The following SASH1 variants were observed in gnomAD, a reference collection of about 807,000 sequenced individuals.
SASH1 encodes SAM and SH3 domain containing 1.
SASH1 carries 44 observed loss-of-function variants against 125.2 expected under a neutral mutation model. That is an observed-to-expected ratio of 0.35 (90% CI 0.28 to 0.45). The LOEUF is 0.45. Among genes scored for constraint, SASH1 ranks in the 20% least tolerant of loss-of-function variants. The probability of loss-of-function intolerance (pLI) is 1.00; values close to 1 mark genes in which losing one functional copy is unlikely to be tolerated. For synonymous variants in SASH1, 639 were observed against 649.1 expected, an observed-to-expected ratio of 0.98 and a Z score of 0.24; for missense variants, 1,426 against 1,614.5, an observed-to-expected ratio of 0.88 and a Z score of 2.00.
At position 148,332,199 on chromosome 6, in the gene SASH1, GA is replaced by G. The variant is rs140819866; in HGVS notation, n.75-57925del. On this transcript the variant is annotated intron_variant and non_coding_transcript_variant, in intron 1 of 3. Transcript: ENST00000367469. ...GCTCACCTGTAAGGCATTTGTGGGG[GA>G]AAAAAAAAATGGTGTGGATTTGTGA... Among the ~76,000 whole-genome samples the G allele has an allele frequency of 4.3e-3, 637 of 148,600 alleles. 5 individuals carry two copies. The highest frequency in any genetic ancestry group is 0.013 in the African/African-American group (525 of 40,656).
the SASH1 span, among the ~76,000 whole-genome samples, chr6:148,246,915 T>C: frequency 2.6e-5 from 4 of 152,246 alleles, no homozygotes; most frequent in Non-Finnish European, 5.9e-5. Context: ...CTATGCTATG[T>C]ACTTGTACTA....
At chr6:148,415,344 G>A (rs548009676) in intron 2 of SASH1, among the ~76,000 whole-genome samples, 7 of 152,262 alleles carry the variant, frequency 4.6e-5, no homozygotes, top group South Asian at 4.1e-4. Flanking sequence ...TAGTAAGTGC[G>A]AGGAAATAGT....
chr6:148,290,363 T>G (rs970462533), intron 1 of SASH1, among the ~76,000 whole-genome samples: 43 of 151,028 alleles, frequency 2.8e-4, no homozygotes, highest in African/African-American at 1.0e-3. Context: ...TCCCAGCACT[T>G]TGGGAGGCCG....
At chr6:148,198,259 G>A in the SASH1 span, among the ~76,000 whole-genome samples, 2 of 152,130 alleles carry the variant, frequency 1.3e-5, no homozygotes, top group Non-Finnish European at 2.9e-5. Flanking sequence ...AGTTTCCTGA[G>A]TTCTCCCCAG....
chr6:148,202,783 G>A, the SASH1 span, among the ~76,000 whole-genome samples: 1 of 152,066 alleles, frequency 6.6e-6, no homozygotes, highest in Non-Finnish European at 1.5e-5. Flanking sequence ...GCGAAATTCT[G>A]TCTCTACTAA....
At chr6:148,322,934 T>TCTTCCTTCCTTC (rs1780686911) in intron 1 of SASH1, among the ~76,000 whole-genome samples, 1 of 129,406 alleles carries the variant, frequency 7.7e-6, no homozygotes, top group Non-Finnish European at 1.7e-5. Flanking sequence ...TCTCTCTTTC[T>TCTTCCTTCCTTC]TTTCCTTCCT....
intron 1 of SASH1, among the ~76,000 whole-genome samples, chr6:148,306,912 C>G (rs1780142993): frequency 6.6e-6 from 1 of 152,256 alleles, no homozygotes; most frequent in African/African-American, 2.4e-5. Context: ...GTCAGATGAC[C>G]AGGCCTTGGT....
At position 148,310,386 on chromosome 6, in the gene SASH1, T is replaced by C. The variant is rs139863317; in HGVS notation, n.74+38009T>C. 3.1e-4 allele frequency among the ~76,000 whole-genome samples: 47 copies of C among 151,386 alleles called. No individual in the cohort carries two copies. In the East Asian group the frequency reaches 8.8e-3, roughly 28 times the overall value. ...CAGTGCAAATCTCTGCTGTATCTATTTAACAACTGGTGCTGGAACAATAGG... is the reference window on the plus strand; with the variant it reads ...CAGTGCAAATCTCTGCTGTATCTATCTAACAACTGGTGCTGGAACAATAGG... On this transcript the variant is annotated intron_variant and non_coding_transcript_variant, in intron 1 of 3. Coordinates refer to the SASH1 transcript ENST00000367469.
At chr6:148,502,109 C>T (rs1562462490) in intron 8 of SASH1, among the ~76,000 whole-genome samples, 1 of 152,224 alleles carries the variant, frequency 6.6e-6, no homozygotes. Flanking sequence ...ATCTTCTTCT[C>T]TCTGCCGCCG....
At chr6:148,261,482 G>A in the SASH1 span, among the ~76,000 whole-genome samples, 1 of 152,294 alleles carries the variant, frequency 6.6e-6, no homozygotes, top group Non-Finnish European at 1.5e-5. Flanking sequence ...AGTGGAAGTG[G>A]AACACGTCAT....
chr6:148,221,279 G>C, the SASH1 span, among the ~76,000 whole-genome samples: 34 of 152,182 alleles, frequency 2.2e-4, no homozygotes, highest in East Asian at 5.0e-3. Flanking sequence ...AATTGCTTTT[G>C]AGTAATTTAC....
intron 1 of SASH1, among the ~76,000 whole-genome samples, chr6:148,274,165 T>C (rs1276752704): frequency 1.3e-5 from 2 of 152,206 alleles, no homozygotes; most frequent in African/African-American, 4.8e-5. Context: ...AGTCATGCCC[T>C]AGAGGGTGCT....
chr6:148,360,845 AT>A (rs1214323474), intron 1 of SASH1, among the ~76,000 whole-genome samples: 1 of 151,938 alleles, frequency 6.6e-6, no homozygotes, highest in African/African-American at 2.4e-5. Context: ...TTGTGGGTTG[AT>A]TTTTTTTCCC....
chr6:148,485,221 C>G (rs1778791575), intron 7 of SASH1, among the ~76,000 whole-genome samples: 1 of 152,046 alleles, frequency 6.6e-6, no homozygotes. Context: ...CATGATAATC[C>G]CATTTTCCAA....
chr6:148,273,167 G>A (rs1167747359), intron 1 of SASH1, among the ~76,000 whole-genome samples: 1 of 152,040 alleles, frequency 6.6e-6, no homozygotes, highest in African/African-American at 2.4e-5. Context: ...GGCTGAGGCA[G>A]GAGGATCTCT....
intron 7 of SASH1, among the ~76,000 whole-genome samples, chr6:148,474,593 A>G (rs1389076928): frequency 6.6e-6 from 1 of 152,166 alleles, no homozygotes; most frequent in African/African-American, 2.4e-5. Context: ...TTTTTTTGAG[A>G]TAGGGTCTCA....
chr6:148,256,524 T>C, the SASH1 span, among the ~76,000 whole-genome samples: 1 of 152,224 alleles, frequency 6.6e-6, no homozygotes, highest in African/African-American at 2.4e-5. Flanking sequence ...TTAAGCTACC[T>C]TCATTTTGTT....
chr6:148,209,931 G>A, the SASH1 span, among the ~76,000 whole-genome samples: 1 of 152,066 alleles, frequency 6.6e-6, no homozygotes, highest in Non-Finnish European at 1.5e-5. Context: ...CATACACACA[G>A]TGTATTTTTT....
At chr6:148,338,644 T>C (rs1781235998), upstream of SASH1, among the ~76,000 whole-genome samples, 5 of 152,068 alleles carry the variant, frequency 3.3e-5, no homozygotes, top group Admixed American at 3.3e-4. Flanking sequence ...ATATCCTATA[T>C]GACTCTGAAG....
Sources: allele counts gnomAD v4.1 joint callset (sites outside exome capture counted in the v4.1 genomes callset), GRCh38; gene constraint gnomAD v4.1.1; transcripts MANE v1.5; gene names NCBI Gene and HGNC (gene_info 2026-07-23, HGNC 2026-07-21).